NUP88: variants seen among roughly 807,000 people sequenced by gnomAD.
The protein encoded by NUP88 is nuclear pore complex protein Nup88.
NUP88 carries 57 observed loss-of-function variants against 93.9 expected under a neutral mutation model. That is an observed-to-expected ratio of 0.61 (90% confidence interval 0.49 to 0.76). The LOEUF is 0.76. Ranked by LOEUF, NUP88 falls within the 30% of genes least tolerant of loss-of-function variation. The probability of loss-of-function intolerance (pLI) is 0.00; values close to 1 mark genes in which losing one functional copy is unlikely to be tolerated. For synonymous variants in NUP88, 346 were observed against 336.8 expected (o/e 1.03, Z -0.30); for missense variants, 911 against 901.0 (o/e 1.01, Z -0.14).
At chr17:5,415,514 A>G (rs1258619574) in intron 2 of NUP88, among the ~76,000 whole-genome samples, 1 of 152,218 alleles carries the variant, frequency 6.6e-6, no homozygotes, top group Non-Finnish European at 1.5e-5. Flanking sequence ...TAGAAGGTAA[A>G]CAGTTTAAGG....
In NUP88 at chr17:5,386,045, G is replaced by A. The variant is rs1597309912; in HGVS notation, c.*161C>T. 1 of 567,386 alleles carries A rather than the reference G, an allele frequency of 1.8e-6. No homozygotes were observed. Among genetic ancestry groups the A allele is most frequent in the East Asian group, 3.1e-5 (1 of 31,866 alleles). The allele number at this position is 567,386 out of a possible 1,614,324, so 35.1% of individuals were successfully genotyped here. A position where few individuals can be genotyped will look rare whatever the true frequency, so the allele number is the denominator to read the frequency against. ...AGCACATTCCAAATTTTAAATAAAA[G>A]CATTTACTCAATTATTATAAAACAA... On this transcript the variant is annotated 3_prime_UTR_variant, in exon 17 of 17. Coordinates refer to ENST00000573584, the MANE Select transcript of NUP88 (RefSeq NM_002532.6).
At chr17:5,417,013 T>A (rs1321846581) in intron 1 of NUP88, among the ~76,000 whole-genome samples, 1 of 151,842 alleles carries the variant, frequency 6.6e-6, no homozygotes, top group African/African-American at 2.4e-5. Flanking sequence ...TTTGTAGAGA[T>A]GGGGGTTTCG....
intron 11 of NUP88, 179 bp from the exon 12 acceptor site, chr17:5,388,083 C>G: frequency 2.0e-6 from 1 of 488,762 alleles, no homozygotes; most frequent in Non-Finnish European, 3.5e-6. Context: ...TCACTGCAAC[C>G]TCCACCTCCC....
intron 7 of NUP88, among the ~76,000 whole-genome samples, chr17:5,401,331 C>G (rs1049771224): frequency 6.6e-6 from 1 of 151,750 alleles, no homozygotes; most frequent in Non-Finnish European, 1.5e-5. Context: ...TGCGGTGAGC[C>G]GAGTTGTACC....
rs1230706042 is a variant in NUP88, at chr17:5,408,835, G to A, written c.755C>T (p.Thr252Ile). 2 of 1,613,922 alleles carry A rather than the reference G, an allele frequency of 1.2e-6. No homozygotes were observed. The highest frequency in any genetic ancestry group is 1.7e-6 in the Non-Finnish European group (2 of 1,179,820). ...ATCTTTGCCGTTTTGTCCAAATAGA[G>A]TCTTTGGGACTGCTGCCAATGGCCC... is the stretch of plus-strand genomic sequence containing the variant. The part of the protein sequence containing the change: ...DFGPLAAVPK[T>I]LFGQNGKDEV... Residue 252 changes from threonine (T) to isoleucine (I), a missense_variant, in exon 5 of 17, where the codon ACT becomes ATT. Coordinates refer to ENST00000573584, the MANE Select transcript of NUP88 (RefSeq NM_002532.6).
Position 5,408,832 on chromosome 17 carries a change from A to G in NUP88, c.758T>C (p.Leu253Pro), listed in dbSNP as rs1913652002. Residue 253 changes from leucine (L) to proline (P), a missense_variant, in exon 5 of 17, where the codon CTA becomes CCA. By Grantham distance (98) the Leu-to-Pro change is moderately conservative. Coordinates refer to ENST00000573584, the MANE Select transcript of NUP88 (RefSeq NM_002532.6). ...FGPLAAVPKT[L>P]FGQNGKDEVV... ...TTCATCTTTGCCGTTTTGTCCAAAT[A>G]GAGTCTTTGGGACTGCTGCCAATGG... 4 of 1,614,126 alleles carry G rather than the reference A, an allele frequency of 2.5e-6. No homozygotes were observed. The highest frequency in any genetic ancestry group is 3.4e-6 in the Non-Finnish European group (4 of 1,179,952).
At chr17:5,400,902 T>A (rs1390252227) in intron 7 of NUP88, among the ~76,000 whole-genome samples, 1 of 152,212 alleles carries the variant, frequency 6.6e-6, no homozygotes, top group Non-Finnish European at 1.5e-5. Flanking sequence ...CAATCATTTA[T>A]AACTAAGAAG....
chr17:5,391,759 T>G, intron 9 of NUP88, 97 bp from the exon 10 acceptor site: 1 of 942,748 alleles, frequency 1.1e-6, no homozygotes, highest in South Asian at 1.4e-5. Context: ...AGGCCTGGGC[T>G]GAAGTTGCTT....
rs763954824 is a variant in NUP88, at chr17:5,386,734, C to A, written c.2136G>T (p.Lys712Asn). 8 of 1,612,708 alleles carry A rather than the reference C, an allele frequency of 5.0e-6. No individual in the cohort carries two copies. In the South Asian group the frequency reaches 8.8e-5, roughly 18 times the overall value. Residue 712 changes from lysine (K) to asparagine (N), a missense_variant, in exon 16 of 17, where the codon AAG (lysine) becomes AAT (asparagine). Coordinates refer to ENST00000573584, the MANE Select transcript of NUP88 (RefSeq NM_002532.6). The part of the protein sequence containing the change: ...PTIILSAYQR[K>N]CIQSILKEEG... ...CCTCTTTCAGGATGGACTGAATGCACTTTCGCTGGTAGGCACTGAGAATAA... is the reference window on the plus strand; with the variant it reads ...CCTCTTTCAGGATGGACTGAATGCAATTTCGCTGGTAGGCACTGAGAATAA...
intron 11 of NUP88, chr17:5,388,135 G>T: frequency 3.2e-6 from 1 of 316,348 alleles, no homozygotes; most frequent in Non-Finnish European, 5.9e-6. Context: ...CGAGTAGCTG[G>T]GATTACAGGT....
intron 7 of NUP88, among the ~76,000 whole-genome samples, 195 bp from the exon 8 acceptor site, chr17:5,399,845 A>G (rs536210450): frequency 6.6e-6 from 1 of 152,294 alleles, no homozygotes; most frequent in East Asian, 1.9e-4. Context: ...TTAAGTACAG[A>G]TATACCTCAG....
At position 5,386,691 on chromosome 17, in the gene NUP88, TG is replaced by T. The variant is rs1482922952; in HGVS notation, c.2162+16del. On this transcript the variant is annotated intron_variant, in intron 16 of 16. Coordinates refer to ENST00000573584, the MANE Select transcript of NUP88 (RefSeq NM_002532.6). ...AAACTATCTCACGATAATAGCTGATTGGAAGTATTTACTTACTCCTCTTTCA... is the reference window on the plus strand; with the variant it reads ...AAACTATCTCACGATAATAGCTGATTGAAGTATTTACTTACTCCTCTTTCA... 1 of 1,441,510 alleles carries T rather than the reference TG, an allele frequency of 6.9e-7. No individual in the cohort carries two copies. Among genetic ancestry groups the T allele is most frequent in the African/African-American group, 1.4e-5 (1 of 71,554 alleles). 89.3% of individuals were successfully genotyped at this position (1,441,510 alleles called of 1,614,324 possible).
Position 5,405,066 on chromosome 17 carries a change from A to G in NUP88, c.1035T>C (p.Asp345=), listed in dbSNP as rs749318119. Residue 345 remains aspartate, a synonymous_variant, in exon 6 of 17, where the codon GAT becomes GAC. Transcript: ENST00000573584. ...AGCAGCCTGCACTTACCGTGTGGTC[A>G]TCTTCTTCTTCCCCTTCTAGCACGA... is the stretch of plus-strand genomic sequence containing the variant. The part of the protein sequence containing the change: ...HCVVLEGEEE[D]DHTSEKSWDS... The G allele has an allele frequency of 1.9e-6, 3 of 1,613,732 alleles. No homozygotes were observed. The highest frequency in any genetic ancestry group is 2.2e-5 in the South Asian group (2 of 90,972).
chr17:5,399,523 T>C, intron 8 of NUP88, 29 bp downstream of exon 8: 1 of 1,123,822 alleles, frequency 8.9e-7, no homozygotes, highest in Non-Finnish European at 1.3e-6. Context: ...CTGAAATCTA[T>C]TAAAAGTGCA....
rs199804588 is a variant in NUP88, at chr17:5,400,139, T to TAAAAAAAAAAAAAAAAAAAAA, written c.1193-490_1193-489insTTTTTTTTTTTTTTTTTTTTT. 3.6e-5 allele frequency among the ~76,000 whole-genome samples: 4 copies of TAAAAAAAAAAAAAAAAAAAAA among 111,612 alleles called. 1 individual carries two copies. The highest frequency in any genetic ancestry group is 5.2e-5 in the Non-Finnish European group (3 of 57,226). 73.2% of individuals were successfully genotyped at this position (111,612 alleles called of 152,430 possible). A position where few individuals can be genotyped will look rare whatever the true frequency, so the allele number is the denominator to read the frequency against. ...GCAGGGTTGCCACATCTTTCATTTG[T>TAAAAAAAAAAAAAAAAAAAAA]TAAAAAAAAAAAAAAAAAGCACTGT... On this transcript the variant is annotated intron_variant, in intron 7 of 16. Transcript: ENST00000573584.
chr17:5,400,102 G>A lies in NUP88; in HGVS notation c.1193-452C>T, dbSNP rs370732835. ...TGCTGTTTGAAAAATGGTGCCGATAGACTTGCTTGATGCAGGGTTGCCACA... is the reference window on the plus strand; with the variant it reads ...TGCTGTTTGAAAAATGGTGCCGATAAACTTGCTTGATGCAGGGTTGCCACA... On this transcript the variant is annotated intron_variant, in intron 7 of 16. Coordinates refer to ENST00000573584, the MANE Select transcript of NUP88 (RefSeq NM_002532.6). Among the ~76,000 whole-genome samples the A allele has an allele frequency of 3.7e-5, 5 of 134,300 alleles. No homozygotes were observed. In the East Asian group the frequency reaches 1.1e-3, roughly 29 times the overall value. The allele number at this position is 134,300 out of a possible 152,430, so 88.1% of individuals were successfully genotyped here.
chr17:5,388,157 C>T (rs762819781), intron 11 of NUP88: 16 of 270,456 alleles, frequency 5.9e-5, no homozygotes, highest in Non-Finnish European at 9.2e-5. Flanking sequence ...CCCACCACCA[C>T]GCCTGGCTAA....
Position 5,392,272 on chromosome 17 carries a change from T to C in NUP88, c.1383-610A>G, listed in dbSNP as rs569571607. ...CTCCTCTCACACCTTCTGAAAATTG[T>C]ACCATCAACTGTGTCGTTTCAAAAT... On this transcript the variant is annotated intron_variant, in intron 9 of 16. Coordinates refer to ENST00000573584, the MANE Select transcript of NUP88 (RefSeq NM_002532.6). 3.3e-5 allele frequency among the ~76,000 whole-genome samples: 5 copies of C among 152,348 alleles called. No homozygotes were observed. In the South Asian group the frequency reaches 1.0e-3, roughly 32 times the overall value.
chr17:5,419,217 C>T, intron 1 of NUP88, 137 bp downstream of exon 1: 1 of 1,010,914 alleles, frequency 9.9e-7, no homozygotes, highest in Non-Finnish European at 1.4e-6. Context: ...TGAGTCCCCG[C>T]GACCGCGTAT....
Sources: allele counts gnomAD v4.1 joint callset (sites outside exome capture counted in the v4.1 genomes callset), GRCh38; gene constraint gnomAD v4.1.1; transcripts MANE v1.5; gene names NCBI Gene and HGNC (gene_info 2026-07-23, HGNC 2026-07-21).